Variants in GREB1L observed in about 807,000 individuals in gnomAD.
The protein encoded by GREB1L is GREB1 like retinoic acid receptor coactivator.
GREB1L carries 17 observed loss-of-function variants against 200.8 expected under a neutral mutation model. That is an observed-to-expected ratio of 0.08 (90% confidence interval 0.06 to 0.13). The LOEUF (loss-of-function observed/expected upper bound fraction) is 0.13. GREB1L is among the 10% of genes least tolerant of loss of function. The probability of loss-of-function intolerance (pLI) is 1.00; values close to 1 mark genes in which losing one functional copy is unlikely to be tolerated. For missense variants in GREB1L, 1,657 were observed against 2,367.7 expected, an observed-to-expected ratio of 0.70 and a Z score of 6.23; for synonymous variants, 789 against 893.0, an observed-to-expected ratio of 0.88 and a Z score of 2.08.
At chr18:21,377,362 A>T (rs1013096924) in intron 2 of GREB1L, among the ~76,000 whole-genome samples, 1 of 152,164 alleles carries the variant, frequency 6.6e-6, no homozygotes, top group African/African-American at 2.4e-5. Flanking sequence ...AAAAAGTAGT[A>T]ATGCACTCTG....
chr18:21,346,254 C>T (rs1343150316), intron 1 of GREB1L, among the ~76,000 whole-genome samples: 2 of 152,138 alleles, frequency 1.3e-5, no homozygotes, highest in African/African-American at 4.8e-5. Flanking sequence ...TAACTGCACC[C>T]ACACAGGCTA....
chr18:21,337,758 G>A (rs1438133556), intron 1 of GREB1L, among the ~76,000 whole-genome samples: 9 of 152,042 alleles, frequency 5.9e-5, no homozygotes, highest in Non-Finnish European at 7.4e-5. Context: ...AGGCCGAGGC[G>A]GGTAGATCAC....
chr18:21,502,068 A>G (rs1010104939), intron 23 of GREB1L, among the ~76,000 whole-genome samples: 1 of 152,196 alleles, frequency 6.6e-6, no homozygotes, highest in East Asian at 1.9e-4. Context: ...CGAGACCAAC[A>G]TGGTGAAACC....
rs2041429004 is a variant in GREB1L, at chr18:21,404,117, G to A, written c.832+123G>A. 3.5e-6 allele frequency: 3 copies of A among 862,838 alleles called. No homozygotes were observed. The South Asian group carries it at 5.3e-5, about 15-fold the overall frequency. 53.4% of individuals were successfully genotyped at this position (862,838 alleles called of 1,614,324 possible). A position where few individuals can be genotyped will look rare whatever the true frequency, so the allele number is the denominator to read the frequency against. Reference sequence around the variant, plus strand: ...ATTTCAAAATAAAGGTATTACTTGAGTTACTATTAGAGTTAGAATTCAGCC... The same window carrying A: ...ATTTCAAAATAAAGGTATTACTTGAATTACTATTAGAGTTAGAATTCAGCC... On this transcript the variant is annotated intron_variant, in intron 7 of 32. Coordinates refer to ENST00000424526, the MANE Select transcript of GREB1L (RefSeq NM_001142966.3).
intron 1 of GREB1L, among the ~76,000 whole-genome samples, chr18:21,268,498 T>TACATATATA (rs1410210111): frequency 1.5e-5 from 2 of 134,454 alleles, no homozygotes; most frequent in Non-Finnish European, 3.2e-5. Context: ...TGTATATATA[T>TACATATATA]ACATATATAT....
At chr18:21,243,033 C>T (rs1208425378) in intron 1 of GREB1L, among the ~76,000 whole-genome samples, 1 of 152,110 alleles carries the variant, frequency 6.6e-6, no homozygotes, top group Non-Finnish European at 1.5e-5. Flanking sequence ...GCGTGTCTTC[C>T]GGCCAGCATG....
chr18:21,470,153 T>G (rs1434782933), intron 15 of GREB1L, among the ~76,000 whole-genome samples: 1 of 151,450 alleles, frequency 6.6e-6, no homozygotes, highest in Non-Finnish European at 1.5e-5. Context: ...CCAGGCATGC[T>G]AGCACATGCC....
chr18:21,315,393 G>A (rs1050512949), intron 1 of GREB1L, among the ~76,000 whole-genome samples: 1 of 152,136 alleles, frequency 6.6e-6, no homozygotes, highest in Non-Finnish European at 1.5e-5. Context: ...GCCCAGCTTA[G>A]TTTAAGACAT....
intron 17 of GREB1L, among the ~76,000 whole-genome samples, chr18:21,481,695 G>A (rs1229641111): frequency 1.3e-5 from 2 of 151,900 alleles, no homozygotes; most frequent in African/African-American, 4.8e-5. Flanking sequence ...CTGTACTACA[G>A]ATTTGTTTTG....
chr18:21,481,247 A>AG (rs1419673901), intron 17 of GREB1L, among the ~76,000 whole-genome samples: 16 of 152,044 alleles, frequency 1.1e-4, no homozygotes, highest in Admixed American at 1.0e-3. Context: ...TGGGGGCAGG[A>AG]GGAGGCACTC....
rs2041093311 is a variant in GREB1L, at chr18:21,397,017, A to G, written c.532+1456A>G. 2.0e-5 allele frequency among the ~76,000 whole-genome samples: 3 copies of G among 152,130 alleles called. 1 individual carries two copies. The South Asian group carries it at 6.2e-4, about 32-fold the overall frequency. ...ATTGTATTGATCATGATGTGTATTT[A>G]TTTTTGTAGTTTGATACATTCTTCC... On this transcript the variant is annotated intron_variant, in intron 5 of 32. Coordinates refer to ENST00000424526, the MANE Select transcript of GREB1L (RefSeq NM_001142966.3).
chr18:21,477,381 T>TA, intron 17 of GREB1L, 25 bp downstream of exon 17: 1 of 1,509,080 alleles, frequency 6.6e-7, no homozygotes. Flanking sequence ...TGCTGTCTGA[T>TA]ACACTGTCAT....
intron 15 of GREB1L, among the ~76,000 whole-genome samples, chr18:21,469,262 C>T (rs2035387212): frequency 6.6e-6 from 1 of 152,122 alleles, no homozygotes. Context: ...AGCTGTTCCT[C>T]CTCATTTATG....
At chr18:21,521,498 A>C (rs1179133042) in intron 32 of GREB1L, among the ~76,000 whole-genome samples, 1 of 152,166 alleles carries the variant, frequency 6.6e-6, no homozygotes, top group Non-Finnish European at 1.5e-5. Flanking sequence ...GCATGAGAAC[A>C]GGGAGAGGGG....
chr18:21,325,242 A>G (rs1442875604), intron 1 of GREB1L, among the ~76,000 whole-genome samples: 1 of 152,222 alleles, frequency 6.6e-6, no homozygotes, highest in East Asian at 1.9e-4. Flanking sequence ...TTTTGTGGAC[A>G]TGAACCTTCT....
intron 25 of GREB1L, among the ~76,000 whole-genome samples, chr18:21,507,335 A>C (rs1248538725): frequency 1.3e-5 from 2 of 152,244 alleles, no homozygotes; most frequent in East Asian, 3.8e-4. Context: ...AGAATAAACT[A>C]GAATTAAGGG....
intron 1 of GREB1L, among the ~76,000 whole-genome samples, chr18:21,267,698 T>A (rs1464473170): frequency 6.6e-6 from 1 of 152,026 alleles, no homozygotes; most frequent in African/African-American, 2.4e-5. Flanking sequence ...TCATAAATGA[T>A]GATAAGGGAA....
At chr18:21,297,644 A>G (rs1467699001) in intron 1 of GREB1L, among the ~76,000 whole-genome samples, 1 of 152,210 alleles carries the variant, frequency 6.6e-6, no homozygotes, top group Non-Finnish European at 1.5e-5. Context: ...AGCCACAACT[A>G]AGGAGCATGG....
intron 1 of GREB1L, among the ~76,000 whole-genome samples, chr18:21,287,290 C>T (rs2038373852): frequency 6.6e-6 from 1 of 152,208 alleles, no homozygotes; most frequent in Non-Finnish European, 1.5e-5. Flanking sequence ...ATTGCATACT[C>T]CACACTATTG....
Sources: gnomAD v4.1 joint callset for allele counts (sites outside exome capture counted in the v4.1 genomes callset) on GRCh38, gnomAD v4.1.1 for gene constraint, MANE v1.5 for transcripts, NCBI Gene and HGNC (gene_info 2026-07-23, HGNC 2026-07-21) for gene names.